Variants in L3MBTL1 observed in about 807,000 individuals in gnomAD.
L3MBTL1 encodes the protein L3MBTL histone methyl-lysine binding protein 1.
A neutral mutation model predicts 105.3 loss-of-function variants in L3MBTL1; 75 were observed. The ratio of observed to expected loss-of-function variants is 0.71; its 90% confidence interval spans 0.59 to 0.86. L3MBTL1 has a LOEUF of 0.86. Ranked by LOEUF, L3MBTL1 falls within the 40% of genes least tolerant of loss-of-function variation. The pLI, the probability that L3MBTL1 is intolerant of heterozygous loss-of-function variation, is 0.00. For synonymous variants in L3MBTL1, 452 were observed against 436.2 expected, an observed-to-expected ratio of 1.04 and a Z score of -0.45; for missense variants, 1,069 against 1,126.4, an observed-to-expected ratio of 0.95 and a Z score of 0.73.
chr20:43,528,766 G>T, intron 8 of L3MBTL1, 21 bp downstream of exon 8: 1 of 1,584,176 alleles, frequency 6.3e-7, no homozygotes, highest in South Asian at 1.1e-5. Flanking sequence ...CAATTTCCCC[G>T]TAGGAACAGC....
At chr20:43,524,941 A>C in intron 7 of L3MBTL1, among the ~76,000 whole-genome samples, 1 of 152,100 alleles carries the variant, frequency 6.6e-6, no homozygotes, top group East Asian at 1.9e-4. Flanking sequence ...AAGAAAATAA[A>C]CACGTTTTTT....
In L3MBTL1 at chr20:43,534,873, G is replaced by A. The variant is rs766968999; in HGVS notation, c.1756G>A (p.Ala586Thr). 3.1e-5 allele frequency: 50 copies of A among 1,610,392 alleles called. No individual in the cohort carries two copies. The highest frequency in any genetic ancestry group is 3.3e-4 in the Middle Eastern group (2 of 6,072). Residue 586 changes from alanine to threonine, a missense_variant, in exon 16 of 22, where the codon GCT becomes ACT. Transcript: ENST00000418998. Reference protein sequence around the residue: ...WSHGYDFWIDADHPDIHPAGW... With the variant: ...WSHGYDFWIDTDHPDIHPAGW... ...TCATGGCTATGATTTCTGGATCGAC[G>A]CTGACCACCCAGACATCCACCCTGC...
At chr20:43,511,606 C>A (rs902220916) in intron 1 of L3MBTL1, among the ~76,000 whole-genome samples, 2 of 151,770 alleles carry the variant, frequency 1.3e-5, no homozygotes, top group African/African-American at 4.8e-5. Flanking sequence ...CATGGTGAAA[C>A]CCCGTCTCTA....
At chr20:43,545,641 C>T (rs1418084740), downstream of L3MBTL1, among the ~76,000 whole-genome samples, 2 of 152,198 alleles carry the variant, frequency 1.3e-5, no homozygotes, top group African/African-American at 4.8e-5. Context: ...ATTCAGCAGA[C>T]CCTGGTCTTA....
chr20:43,515,196 T>C (rs754524487), intron 5 of L3MBTL1, 37 bp downstream of exon 5: 1 of 1,613,962 alleles, frequency 6.2e-7, no homozygotes, highest in Non-Finnish European at 8.5e-7. Context: ...TTGCTCTACC[T>C]TCAGCCCCCA....
At chr20:43,512,846 C>A (rs1313727068) in intron 1 of L3MBTL1, among the ~76,000 whole-genome samples, 6 of 152,250 alleles carry the variant, frequency 3.9e-5, no homozygotes, top group Admixed American at 3.3e-4. Context: ...AAATCACGTA[C>A]TGACTTGACT....
chr20:43,548,148 C>A, exon 19 of L3MBTL1: 1 of 1,304,270 alleles, frequency 7.7e-7, no homozygotes. Flanking sequence ...CTGACACAGG[C>A]GGACATTGTG....
intron 7 of L3MBTL1, among the ~76,000 whole-genome samples, chr20:43,522,752 A>AT (rs2018798113): frequency 6.7e-6 from 1 of 148,670 alleles, no homozygotes; most frequent in Non-Finnish European, 1.5e-5. Context: ...GATTACAGGC[A>AT]TGAGCCACTG....
At chr20:43,545,933 T>A (rs1457760309), downstream of L3MBTL1, among the ~76,000 whole-genome samples, 1 of 152,248 alleles carries the variant, frequency 6.6e-6, no homozygotes, top group Non-Finnish European at 1.5e-5. Context: ...CCAGCCTCTC[T>A]GAGATACAGT....
At chr20:43,515,239 G>A in intron 5 of L3MBTL1, 53 bp from the exon 6 acceptor site, 1 of 1,612,980 alleles carries the variant, frequency 6.2e-7, no homozygotes, top group Non-Finnish European at 8.5e-7. Context: ...TTAGGAGAGG[G>A]GCTGGGTGGT....
At chr20:43,522,650 T>G (rs61690364) in intron 7 of L3MBTL1, among the ~76,000 whole-genome samples, 1 of 151,120 alleles carries the variant, frequency 6.6e-6, no homozygotes, top group African/African-American at 2.4e-5. Context: ...TTTTTGTATT[T>G]TTGTAGAGAC....
intron 1 of L3MBTL1, among the ~76,000 whole-genome samples, chr20:43,509,004 G>A (rs2018062003): frequency 6.6e-6 from 1 of 152,150 alleles, no homozygotes; most frequent in African/African-American, 2.4e-5. Flanking sequence ...GACGGCAGAA[G>A]GCTGAAAACT....
rs750004557 is a variant in L3MBTL1, at chr20:43,535,996, C to T, written c.1925+60C>T. On this transcript the variant is annotated intron_variant, in intron 17 of 21. Transcript: ENST00000418998. ...TTGTTTTGCACTTACTGCATGCAGG[C>T]GACTGGGGTCCACCAAAACACACTC... 2.0e-5 allele frequency: 31 copies of T among 1,582,194 alleles called. No homozygotes were observed. The highest frequency in any genetic ancestry group is 2.7e-5 in the African/African-American group (2 of 74,190).
downstream of L3MBTL1, chr20:43,541,908 C>T (rs560122653): frequency 1.7e-4 from 171 of 985,358 alleles, no homozygotes; most frequent in African/African-American, 2.6e-3. Context: ...GCATAGTTGT[C>T]CTTAAGTAAA....
chr20:43,515,537 C>T (rs957035478), intron 6 of L3MBTL1, 122 bp downstream of exon 6: 2 of 1,337,420 alleles, frequency 1.5e-6, no homozygotes, highest in East Asian at 2.5e-5. Context: ...ATGACTCACT[C>T]ATCATATTTT....
intron 7 of L3MBTL1, among the ~76,000 whole-genome samples, chr20:43,525,208 A>G (rs2018966498): frequency 6.6e-6 from 1 of 152,094 alleles, no homozygotes; most frequent in African/African-American, 2.4e-5. Flanking sequence ...AGGGTAACGA[A>G]TACCGAAAGG....
intron 13 of L3MBTL1, among the ~76,000 whole-genome samples, 160 bp from the exon 14 acceptor site, chr20:43,533,848 C>G (rs2019465669): frequency 6.6e-6 from 1 of 152,132 alleles, no homozygotes; most frequent in Admixed American, 6.5e-5. Flanking sequence ...TAGCACCCAT[C>G]TGCCTGAGGA....
At chr20:43,533,047 T>A in intron 12 of L3MBTL1, 123 bp downstream of exon 12, 1 of 946,278 alleles carries the variant, frequency 1.1e-6, no homozygotes, top group Non-Finnish European at 1.6e-6. Context: ...CTTCCTCCGG[T>A]TGGAAGATAA....
intron 7 of L3MBTL1, among the ~76,000 whole-genome samples, chr20:43,518,654 ACTGAACC>A (rs1022016495): frequency 1.1e-4 from 16 of 152,048 alleles, no homozygotes; most frequent in African/African-American, 3.9e-4. Flanking sequence ...CATGGATAGT[ACTGAACC>A]CTATGGATAC....
Sources: allele counts gnomAD v4.1 joint callset (sites outside exome capture counted in the v4.1 genomes callset), GRCh38; gene constraint gnomAD v4.1.1; transcripts MANE v1.5; gene names NCBI Gene and HGNC (gene_info 2026-07-23, HGNC 2026-07-21).